BABAM2: variants seen among roughly 807,000 people sequenced by gnomAD.
BABAM2 encodes BRISC and BRCA1 A complex member 2, also known as BRISC and BRCA1-A complex member 2.
In BABAM2, 31 loss-of-function variants were observed where a neutral mutation model predicts 54.7. The ratio of observed to expected loss-of-function variants is 0.57; its 90% CI spans 0.43 to 0.77. BABAM2 has a LOEUF of 0.77. BABAM2 is among the 30% of genes least tolerant of loss of function. The pLI, the probability that BABAM2 is intolerant of heterozygous loss-of-function variation, is 0.00. For synonymous variants in BABAM2, 167 were observed against 162.9 expected (o/e 1.03, Z -0.19); for missense variants, 364 against 455.8 (o/e 0.80, Z 1.83).
chr2:27,890,169 C>G (rs1664696861), upstream of BABAM2: 1 of 1,271,368 alleles, frequency 7.9e-7, no homozygotes, highest in Non-Finnish European at 1.1e-6. The surrounding 1 kb of genome is among the most constrained non-coding windows in gnomAD (Gnocchi z 4.8). Flanking sequence ...TCCCTGGAGA[C>G]CCAGCGCCCA....
At chr2:27,920,606 G>A (rs1369056274) in intron 2 of BABAM2, among the ~76,000 whole-genome samples, 1 of 152,124 alleles carries the variant, frequency 6.6e-6, no homozygotes, top group Non-Finnish European at 1.5e-5. Context: ...GTTATTTTAG[G>A]TTGCCAAAGT....
chr2:27,890,323 T>C, upstream of BABAM2: 1 of 1,613,770 alleles, frequency 6.2e-7, no homozygotes, highest in Non-Finnish European at 8.5e-7. This position sits in a 1 kb window ranked among gnomAD's most constrained non-coding sequence, Gnocchi z 4.8. Flanking sequence ...CCACTGCCTC[T>C]GGGGTTCCCC....
At chr2:27,983,816 C>T (rs976960153) in intron 3 of BABAM2, among the ~76,000 whole-genome samples, 4 of 151,776 alleles carry the variant, frequency 2.6e-5, no homozygotes, top group African/African-American at 9.7e-5. Context: ...ATCTTGCAAC[C>T]TTGCTGAAGC....
chr2:28,318,904 T>C (rs1689792873), intron 11 of BABAM2, among the ~76,000 whole-genome samples: 2 of 152,196 alleles, frequency 1.3e-5, no homozygotes, highest in Non-Finnish European at 2.9e-5. Context: ...CCAAATGCTG[T>C]CCTGGAGAAC....
intron 3 of BABAM2, among the ~76,000 whole-genome samples, chr2:27,934,632 A>G (rs920299932): frequency 5.9e-5 from 9 of 152,266 alleles, no homozygotes. Context: ...TCTTGGCCAA[A>G]CAGTTAACCA....
upstream of BABAM2, chr2:27,890,167 G>T: frequency 8.1e-7 from 1 of 1,229,540 alleles, no homozygotes; most frequent in Non-Finnish European, 1.2e-6. The surrounding 1 kb of genome is among the most constrained non-coding windows in gnomAD (Gnocchi z 4.8). Flanking sequence ...TATCCCTGGA[G>T]ACCCAGCGCC....
intron 5 of BABAM2, among the ~76,000 whole-genome samples, chr2:28,026,843 A>AATATATATTTATATATATAG (rs1675764548): frequency 1.2e-4 from 5 of 40,640 alleles, no homozygotes; most frequent in South Asian, 7.0e-4. Flanking sequence ...AATATATATA[A>AATATATATTTATATATATAG]ATATATATTT....
At chr2:28,077,440 A>G (rs1370263755) in intron 6 of BABAM2, among the ~76,000 whole-genome samples, 2 of 152,198 alleles carry the variant, frequency 1.3e-5, no homozygotes, top group African/African-American at 4.8e-5. Flanking sequence ...CAGAAGAGGT[A>G]GTGTACAGAG....
chr2:28,157,191 T>C (rs531578108), intron 7 of BABAM2, among the ~76,000 whole-genome samples: 2 of 152,312 alleles, frequency 1.3e-5, no homozygotes, highest in African/African-American at 4.8e-5. Flanking sequence ...AAGAAAAGTA[T>C]CATTATCTTC....
At position 28,003,151 on chromosome 2, in the gene BABAM2, T is replaced by A. The variant is rs534355884; in HGVS notation, c.300+15064T>A. Among the ~76,000 whole-genome samples, 4 of 152,196 alleles carry A rather than the reference T, an allele frequency of 2.6e-5. No homozygotes were observed. In the South Asian group the frequency reaches 8.3e-4, roughly 32 times the overall value. On this transcript the variant is annotated intron_variant, in intron 4 of 11. Coordinates refer to ENST00000379624, the MANE Select transcript of BABAM2 (RefSeq NM_199191.3). ...ACTGATTTGGGAGTGGGGAAGTGAG[T>A]GACTGTAGGGTGAAAAAAGAAAATG...
intron 11 of BABAM2, among the ~76,000 whole-genome samples, chr2:28,315,730 C>G (rs1432682852): frequency 1.3e-5 from 2 of 151,602 alleles, no homozygotes; most frequent in African/African-American, 4.9e-5. Flanking sequence ...TGGGCTCAAT[C>G]AATCCTCCCA....
intron 3 of BABAM2, among the ~76,000 whole-genome samples, chr2:27,947,529 A>C (rs766384057): frequency 6.6e-6 from 1 of 152,136 alleles, no homozygotes. Flanking sequence ...AAAATGTTCA[A>C]ACCTTTTGCC....
At chr2:27,909,838 T>C (rs776161601) in intron 2 of BABAM2, among the ~76,000 whole-genome samples, 15 of 152,228 alleles carry the variant, frequency 9.9e-5, no homozygotes, top group Non-Finnish European at 1.9e-4. Flanking sequence ...TAGTAGTGTA[T>C]AGGACATGCT....
At position 28,244,341 on chromosome 2, in the gene BABAM2, T is replaced by C. The variant is rs1682724303; in HGVS notation, c.852-439T>C. Among the ~76,000 whole-genome samples the C allele has an allele frequency of 2.0e-5, 3 of 152,242 alleles. No homozygotes were observed. In the South Asian group the frequency reaches 6.2e-4, roughly 31 times the overall value. ...TGAAAGTCAGACTTAACAATCACTGTACAGGTAGTATGCTGACATTTGGCA... is the reference window on the plus strand; with the variant it reads ...TGAAAGTCAGACTTAACAATCACTGCACAGGTAGTATGCTGACATTTGGCA... On this transcript the variant is annotated intron_variant, in intron 9 of 11. Transcript: ENST00000379624.
chr2:28,263,359 A>G (rs1455553584), intron 10 of BABAM2, among the ~76,000 whole-genome samples: 1 of 152,216 alleles, frequency 6.6e-6, no homozygotes, highest in African/African-American at 2.4e-5. Flanking sequence ...GCACCTCCAG[A>G]TAGTGTAACT....
In BABAM2 at chr2:27,894,411, G is replaced by A. The variant is rs115540464; in HGVS notation, c.-24-122G>A. 1,812 of 973,564 alleles carry A rather than the reference G, an allele frequency of 1.9e-3. 22 individuals are homozygous for A. In the African/African-American group the frequency reaches 0.027, roughly 14 times the overall value. The allele number at this position is 973,564 out of a possible 1,614,324, so 60.3% of individuals were successfully genotyped here. On this transcript the variant is annotated intron_variant, in intron 1 of 11. Coordinates refer to ENST00000379624, the MANE Select transcript of BABAM2 (RefSeq NM_199191.3). Reference sequence around the variant, plus strand: ...GATCATTGGAAGAGGCTGCGCTAGAGATGGGAAATGAATTATTTATTCATG... The same window carrying A: ...GATCATTGGAAGAGGCTGCGCTAGAAATGGGAAATGAATTATTTATTCATG...
chr2:28,183,899 G>A (rs765504795), intron 7 of BABAM2, among the ~76,000 whole-genome samples: 14 of 151,884 alleles, frequency 9.2e-5, no homozygotes, highest in Admixed American at 3.3e-4. Flanking sequence ...GTTGTTTTTC[G>A]TCTCCTTTGG....
intron 7 of BABAM2, among the ~76,000 whole-genome samples, chr2:28,214,613 A>G (rs1388021295): frequency 6.6e-6 from 1 of 152,124 alleles, no homozygotes; most frequent in African/African-American, 2.4e-5. Flanking sequence ...AGGACTTCCA[A>G]TACCATTTTG....
At position 28,041,813 on chromosome 2, in the gene BABAM2, G is replaced by T. The variant is rs1384262246; in HGVS notation, c.496-3912G>T. On this transcript the variant is annotated intron_variant, in intron 5 of 11. Coordinates refer to ENST00000379624, the MANE Select transcript of BABAM2 (RefSeq NM_199191.3). ...CATTTGGTAGTTTTGAGCAAACGAG[G>T]ATTAGAATCCAAGTGACATGTTGAA... Among the ~76,000 whole-genome samples, 3 of 152,084 alleles carry T rather than the reference G, an allele frequency of 2.0e-5. No individual in the cohort carries two copies. The East Asian group carries it at 5.8e-4, about 29-fold the overall frequency.
Sources: gnomAD v4.1 joint callset for allele counts (sites outside exome capture counted in the v4.1 genomes callset) on GRCh38, gnomAD v4.1.1 for gene constraint, Gnocchi (gnomAD v3.1) non-coding constraint, MANE v1.5 for transcripts, NCBI Gene and HGNC (gene_info 2026-07-23, HGNC 2026-07-21) for gene names.